Variants in GGH observed in about 807,000 individuals in gnomAD.
GGH encodes the protein gamma-Glu-X carboxypeptidase.
GGH carries 18 observed loss-of-function variants against 39.2 expected under a neutral mutation model. The ratio of observed to expected loss-of-function variants is 0.46; its 90% CI spans 0.32 to 0.68. The LOEUF (loss-of-function observed/expected upper bound fraction) is 0.68. GGH is among the 30% of genes least tolerant of loss of function. The pLI is 0.04. For missense variants in GGH, 367 were observed against 384.1 expected, an observed-to-expected ratio of 0.96 and a Z score of 0.37; for synonymous variants, 147 against 138.8, an observed-to-expected ratio of 1.06 and a Z score of -0.42.
At chr8:63,030,440 C>A (rs912200834) in intron 2 of GGH, among the ~76,000 whole-genome samples, 2 of 152,130 alleles carry the variant, frequency 1.3e-5, no homozygotes, top group African/African-American at 4.8e-5. Context: ...TTTCTGTGAT[C>A]TAATGCAATT....
At chr8:63,021,669 CTTTTT>C (rs752057959) in intron 7 of GGH, among the ~76,000 whole-genome samples, 14 of 93,312 alleles carry the variant, frequency 1.5e-4, no homozygotes, top group Admixed American at 8.9e-4. Flanking sequence ...ATCTCATATC[CTTTTT>C]TTTTTTTTTT....
At chr8:63,027,370 T>C (rs1221383622) in intron 3 of GGH, 105 bp from the exon 4 acceptor site, 9 of 615,176 alleles carry the variant, frequency 1.5e-5, no homozygotes, top group Non-Finnish European at 2.0e-5. Context: ...TCTTATTACA[T>C]ATGCAATAAG....
chr8:63,029,908 A>C (rs1391674072), intron 3 of GGH: 1 of 286,658 alleles, frequency 3.5e-6, no homozygotes, highest in Non-Finnish European at 6.4e-6. Flanking sequence ...AAAAGAACAA[A>C]GATTAAGTCA....
At chr8:63,023,689 T>C (rs1025415583) in intron 7 of GGH, 8 of 328,100 alleles carry the variant, frequency 2.4e-5, no homozygotes, top group Non-Finnish European at 3.3e-5. Context: ...GCCCCCTTTA[T>C]TCTTTTACTT....
intron 3 of GGH, among the ~76,000 whole-genome samples, chr8:63,027,714 T>C (rs1277673648): frequency 6.6e-6 from 1 of 152,126 alleles, no homozygotes; most frequent in African/African-American, 2.4e-5. Flanking sequence ...AAGCTGGTCA[T>C]AAAAATATAT....
chr8:63,023,596 G>A (rs1804633770), intron 7 of GGH: 1 of 179,814 alleles, frequency 5.6e-6, no homozygotes, highest in African/African-American at 2.3e-5. Flanking sequence ...TTTGTTGTTG[G>A]CTGGAGGAAA....
intron 8 of GGH, among the ~76,000 whole-genome samples, chr8:63,016,463 T>C (rs1291103451): frequency 1.3e-5 from 2 of 152,120 alleles, no homozygotes; most frequent in Non-Finnish European, 2.9e-5. Context: ...AGCTTGGAGA[T>C]GGAATGAAAG....
chr8:63,016,407 C>T (rs1003470494), intron 8 of GGH, among the ~76,000 whole-genome samples: 1 of 152,020 alleles, frequency 6.6e-6, no homozygotes, highest in Non-Finnish European at 1.5e-5. Flanking sequence ...GTAGGAAGTA[C>T]TTGACTTCCC....
At chr8:63,032,104 G>A (rs1804816562) in intron 2 of GGH, among the ~76,000 whole-genome samples, 1 of 152,148 alleles carries the variant, frequency 6.6e-6, no homozygotes, top group South Asian at 2.1e-4. Flanking sequence ...CGCCATCTCA[G>A]CTCACTGTAA....
At chr8:63,023,119 A>G (rs73268678) in intron 7 of GGH, among the ~76,000 whole-genome samples, 5,068 of 152,238 alleles carry the variant, frequency 0.033, 272 homozygotes, top group African/African-American at 0.12. Flanking sequence ...CTCTCAAAAA[A>G]ACTATTTACA....
chr8:63,038,719 C>T lies in GGH; in HGVS notation c.50G>A (p.Gly17Glu), dbSNP rs971098934. 4.4e-5 allele frequency: 69 copies of T among 1,585,142 alleles called. No homozygotes were observed. The highest frequency in any genetic ancestry group is 5.8e-5 in the Non-Finnish European group (68 of 1,166,728). The stretch of plus-strand genomic sequence containing the variant: ...TCTAGACAGCTCGAGGCTCGCCGCC[C>T]CGCAGAGTAGCAGGCCCAGCACGCA... ...LLCVLGLLLC[G>E]AASLELSRPH... The change falls in exon 1 of 9, where the codon GGG (glycine) becomes GAG (glutamate). Residue 17 changes from glycine (G) to glutamate (E), a missense_variant. Gly to Glu is a moderately conservative substitution (Grantham distance 98). Transcript: ENST00000260118.
chr8:63,037,739 C>T (rs908044480), intron 1 of GGH, among the ~76,000 whole-genome samples: 2 of 152,088 alleles, frequency 1.3e-5, no homozygotes, highest in Admixed American at 6.5e-5. Context: ...CAATATGCAA[C>T]CTGTTACATT....
chr8:63,028,667 G>A (rs757818809), intron 3 of GGH, among the ~76,000 whole-genome samples: 33 of 152,154 alleles, frequency 2.2e-4, no homozygotes, highest in Non-Finnish European at 3.5e-4. Context: ...CTACATGAGA[G>A]AGAAAAGGGG....
intron 2 of GGH, among the ~76,000 whole-genome samples, chr8:63,035,127 A>G (rs1804881339): frequency 6.6e-6 from 1 of 152,020 alleles, no homozygotes; most frequent in South Asian, 2.1e-4. Flanking sequence ...TTCATTCTTG[A>G]TGTTAATGCA....
At chr8:63,021,520 C>T (rs764123060) in intron 7 of GGH, among the ~76,000 whole-genome samples, 2 of 152,114 alleles carry the variant, frequency 1.3e-5, no homozygotes, top group East Asian at 1.9e-4. Context: ...TTCTTAATTT[C>T]GCCAATCTGA....
chr8:63,038,543 A>G (rs927458756), intron 1 of GGH, 117 bp downstream of exon 1: 6 of 505,862 alleles, frequency 1.2e-5, no homozygotes, highest in Admixed American at 7.5e-5. Flanking sequence ...CCAAAAGCGA[A>G]GCACATCTGG....
rs117061297 is a variant in GGH at position 63,021,973 on chromosome 8, C to T, written c.697+1934G>A. Among the ~76,000 whole-genome samples, 1,150 of 152,254 alleles carry T rather than the reference C, an allele frequency of 7.6e-3. 7 individuals are homozygous for T. Among genetic ancestry groups the T allele is most frequent in the Non-Finnish European group, 0.012 (811 of 68,028 alleles). On this transcript the variant is annotated intron_variant, in intron 7 of 8. Coordinates refer to ENST00000260118, the MANE Select transcript of GGH (RefSeq NM_003878.3). ...ACAGGCGTGAGCCACCATGCCCAGA[C>T]CTCATATCCATTTTTAATAAGCTAT... is the stretch of plus-strand genomic sequence containing the variant.
intron 7 of GGH, among the ~76,000 whole-genome samples, chr8:63,019,259 A>C (rs1242752697): frequency 6.6e-6 from 1 of 152,224 alleles, no homozygotes; most frequent in Admixed American, 6.5e-5. Context: ...TTAACTGAAG[A>C]AGATCGCAAA....
chr8:63,026,059 T>G, intron 5 of GGH, 99 bp downstream of exon 5: 1 of 984,786 alleles, frequency 1.0e-6, no homozygotes, highest in Non-Finnish European at 1.5e-6. Context: ...GGGAAAAGGC[T>G]AAAAAGAAAA....
Sources: gnomAD v4.1 joint callset for allele counts (sites outside exome capture counted in the v4.1 genomes callset) on GRCh38, gnomAD v4.1.1 for gene constraint, MANE v1.5 for transcripts, NCBI Gene and HGNC (gene_info 2026-07-23, HGNC 2026-07-21) for gene names.